The following LRP1B variants were observed in gnomAD, a reference collection of about 807,000 sequenced individuals.
LRP1B encodes the protein LDL receptor related protein 1B.
LRP1B carries 217 observed loss-of-function variants against 556.6 expected under a neutral mutation model. The observed-to-expected ratio is 0.39, with a 90% confidence interval of 0.35 to 0.44. LRP1B has a LOEUF of 0.44. LRP1B is among the 20% of genes least tolerant of loss of function. LRP1B has a pLI of 1.00. For synonymous variants in LRP1B, 2,047 were observed against 1,865.8 expected (o/e 1.10, Z -2.50); for missense variants, 5,053 against 5,620.8 (o/e 0.90, Z 3.23).
At chr2:140,239,237 G>A (rs1350427656) in intron 88 of LRP1B, among the ~76,000 whole-genome samples, 2 of 150,642 alleles carry the variant, frequency 1.3e-5, no homozygotes, top group Non-Finnish European at 3.0e-5. Context: ...ATATATACAT[G>A]GACCATTCCC....
At chr2:141,338,595 T>C (rs1194832988) in intron 3 of LRP1B, among the ~76,000 whole-genome samples, 1 of 152,190 alleles carries the variant, frequency 6.6e-6, no homozygotes, top group African/African-American at 2.4e-5. Context: ...ATTTTACACC[T>C]GCATTCAGAA....
intron 20 of LRP1B, among the ~76,000 whole-genome samples, chr2:140,943,267 C>T (rs1391399067): frequency 6.6e-6 from 1 of 151,940 alleles, no homozygotes; most frequent in Non-Finnish European, 1.5e-5. Flanking sequence ...AACATTAGGG[C>T]ACCCAATTAC....
intron 41 of LRP1B, among the ~76,000 whole-genome samples, chr2:140,639,585 A>G (rs1684200205): frequency 6.6e-6 from 1 of 152,182 alleles, no homozygotes; most frequent in Non-Finnish European, 1.5e-5. Flanking sequence ...TTTTAAATTT[A>G]TGCAGGGTGA....
chr2:140,659,107 T>TG (rs1432541599), intron 41 of LRP1B, among the ~76,000 whole-genome samples: 7 of 131,108 alleles, frequency 5.3e-5, no homozygotes, highest in South Asian at 2.3e-4. Context: ...TGTTTTTTTT[T>TG]TTTTTTTTTT....
chr2:140,436,018 C>T (rs1686164196), intron 66 of LRP1B, among the ~76,000 whole-genome samples: 1 of 151,968 alleles, frequency 6.6e-6, no homozygotes, highest in South Asian at 2.1e-4. Flanking sequence ...AATATACACA[C>T]ATAAATACAT....
intron 7 of LRP1B, among the ~76,000 whole-genome samples, chr2:141,139,286 TTA>T (rs1289910866): frequency 2.0e-5 from 3 of 151,880 alleles, no homozygotes; most frequent in Non-Finnish European, 2.9e-5. Flanking sequence ...AACAAAATCT[TTA>T]TAACATTTGG....
intron 58 of LRP1B, among the ~76,000 whole-genome samples, chr2:140,486,264 C>A (rs1246520284): frequency 6.6e-6 from 1 of 151,722 alleles, no homozygotes; most frequent in Non-Finnish European, 1.5e-5. Context: ...CAAGAAAATG[C>A]CAATAAAATT....
intron 43 of LRP1B, among the ~76,000 whole-genome samples, chr2:140,570,438 A>G (rs1681283173): frequency 6.6e-6 from 1 of 151,718 alleles, no homozygotes; most frequent in Non-Finnish European, 1.5e-5. Flanking sequence ...AAAGGGATAC[A>G]TTTATAAACA....
chr2:140,936,642 T>G (rs1213003437), intron 20 of LRP1B, among the ~76,000 whole-genome samples: 2 of 152,052 alleles, frequency 1.3e-5, no homozygotes, highest in Admixed American at 6.6e-5. Flanking sequence ...AATTACAAAG[T>G]CTAGTCTTAT....
rs528839539 is a variant in LRP1B at position 141,440,475 on chromosome 2, T to C, written c.343+39921A>G. 2.6e-5 allele frequency among the ~76,000 whole-genome samples: 4 copies of C among 152,316 alleles called. No individual in the cohort carries two copies. The East Asian group carries it at 7.7e-4, about 29-fold the overall frequency. ...GGCGGCTCCAAGGGGACCCAGCTCCTGCAGCAGCAACCAGGGTATCCGGGC... is the reference window on the plus strand; with the variant it reads ...GGCGGCTCCAAGGGGACCCAGCTCCCGCAGCAGCAACCAGGGTATCCGGGC... On this transcript the variant is annotated intron_variant, in intron 3 of 90. Coordinates refer to ENST00000389484, the MANE Select transcript of LRP1B (RefSeq NM_018557.3).
At chr2:141,491,484 T>A (rs75435803) in intron 2 of LRP1B, among the ~76,000 whole-genome samples, 21 of 135,898 alleles carry the variant, frequency 1.5e-4, no homozygotes, top group African/African-American at 5.2e-4. Flanking sequence ...GGGACTACTT[T>A]ACCTGTTCTA....
chr2:141,275,095 G>A (rs1398471610), intron 3 of LRP1B, among the ~76,000 whole-genome samples: 1 of 152,052 alleles, frequency 6.6e-6, no homozygotes, highest in Non-Finnish European at 1.5e-5. Context: ...CCAGGAGGCT[G>A]GTAAAAGGAA....
intron 56 of LRP1B, among the ~76,000 whole-genome samples, chr2:140,492,900 A>AGCCT (rs1291133997): frequency 6.6e-6 from 1 of 152,148 alleles, no homozygotes; most frequent in Non-Finnish European, 1.5e-5. Context: ...AAATTTAGAA[A>AGCCT]ATTCTAAGTG....
chr2:141,831,117 T>G (rs1248175022), intron 1 of LRP1B, among the ~76,000 whole-genome samples: 1 of 151,778 alleles, frequency 6.6e-6, no homozygotes, highest in African/African-American at 2.4e-5. Context: ...TTGAGCAACT[T>G]ACTTTCACCT....
chr2:142,116,535 T>C lies in LRP1B; in HGVS notation c.82+14113A>G, dbSNP rs115028640. Reference sequence around the variant, plus strand: ...TTGCATCCTGGATTGGATATTGGGATAGAAGGTCATTAGTGGAAAAAACTG... The same window carrying C: ...TTGCATCCTGGATTGGATATTGGGACAGAAGGTCATTAGTGGAAAAAACTG... On this transcript the variant is annotated intron_variant, in intron 1 of 90. Coordinates refer to ENST00000389484, the MANE Select transcript of LRP1B (RefSeq NM_018557.3). 7.2e-3 allele frequency among the ~76,000 whole-genome samples: 1,102 copies of C among 152,240 alleles called. 18 individuals carry two copies. Among genetic ancestry groups the C allele is most frequent in the African/African-American group, 0.025 (1,048 of 41,552 alleles).
intron 86 of LRP1B, among the ~76,000 whole-genome samples, chr2:140,264,732 GTGTGTGTGTATA>G (rs1682119255): frequency 8.9e-6 from 1 of 111,888 alleles, no homozygotes; most frequent in African/African-American, 4.2e-5. Context: ...GTGTGTGTGT[GTGTGTGTGTATA>G]TAATTTTCCC....
chr2:140,450,522 T>C (rs1178573409), intron 63 of LRP1B, 46 bp downstream of exon 63: 1 of 1,399,824 alleles, frequency 7.1e-7, no homozygotes, highest in African/African-American at 1.4e-5. Flanking sequence ...GTCTGGGATA[T>C]AAGGAACTCT....
chr2:142,063,054 A>AG (rs1185505498), intron 1 of LRP1B, among the ~76,000 whole-genome samples: 1 of 92,708 alleles, frequency 1.1e-5, no homozygotes, highest in Non-Finnish European at 2.6e-5. Flanking sequence ...GCATTACCTG[A>AG]CCAAAAAAAA....
chr2:141,927,811 C>T (rs1039576403), intron 1 of LRP1B, among the ~76,000 whole-genome samples: 1 of 143,508 alleles, frequency 7.0e-6, no homozygotes, highest in African/African-American at 2.6e-5. Context: ...GTGTCTTCTG[C>T]TTTTCCCCAT....
Sources: allele counts gnomAD v4.1 joint callset (sites outside exome capture counted in the v4.1 genomes callset), GRCh38; gene constraint gnomAD v4.1.1; transcripts MANE v1.5; gene names NCBI Gene and HGNC (gene_info 2026-07-23, HGNC 2026-07-21).